The following PPT2 variants were observed in gnomAD, a reference collection of about 807,000 sequenced individuals.
PPT2 encodes palmitoyl-protein thioesterase 2, also known as lysosomal thioesterase PPT2.
Under a neutral mutation model 37.3 loss-of-function variants are expected in PPT2, and 20 were observed. The ratio of observed to expected loss-of-function variants is 0.54; its 90% CI spans 0.38 to 0.78. The LOEUF (loss-of-function observed/expected upper bound fraction) is 0.78, where lower values mean the gene tolerates loss of function less well. PPT2 is among the 30% of genes least tolerant of loss of function. The pLI is 0.00. For missense variants in PPT2, 270 were observed against 389.8 expected (o/e 0.69, Z 2.59); for synonymous variants, 135 against 159.1 (o/e 0.85, Z 1.14).
chr6:32,160,227 A>AGTATTTCTG (rs1554128607), intron 7 of PPT2, among the ~76,000 whole-genome samples: 8 of 123,078 alleles, frequency 6.5e-5, no homozygotes, highest in East Asian at 5.2e-4. Flanking sequence ...TTGTATTTTT[A>AGTATTTCTG]GTAGAGACGG....
At position 32,155,637 on chromosome 6, in the gene PPT2, G is replaced by T; in HGVS notation, c.338-51G>T. The T allele has an allele frequency of 1.4e-6, 2 of 1,396,314 alleles. No homozygotes were observed. The highest frequency in any genetic ancestry group is 1.2e-5 in the South Asian group (1 of 86,576). The allele number at this position is 1,396,314 out of a possible 1,614,324, so 86.5% of individuals were successfully genotyped here. ...GTGTGTGGTGGGGGTGGGGGGTGCT[G>T]CTGGCTTTGCTGTCCTTAAGTGCCT... On this transcript the variant is annotated intron_variant, in intron 3 of 8. Transcript: ENST00000324816. The surrounding 1 kb of genome is among the most constrained non-coding windows in gnomAD (Gnocchi z 4.3).
chr6:32,158,230 C>G (rs915024595), intron 7 of PPT2: 5 of 323,158 alleles, frequency 1.5e-5, no homozygotes, highest in Non-Finnish European at 2.3e-5. Flanking sequence ...ATAGCAAGGC[C>G]CTTCACCCAG....
Position 32,154,855 on chromosome 6 carries a change from C to A in PPT2, c.183+78C>A. 6.5e-7 allele frequency: 1 copy of A among 1,544,246 alleles called. No homozygotes were observed. ...GGGAGGGAGAGCGGGGAACTGAAAG[C>A]CACCCCTCTGGGCCTGCCCAGTTCC... On this transcript the variant is annotated intron_variant, in intron 2 of 8. Transcript: ENST00000324816. This position sits in a 1 kb window ranked among gnomAD's most constrained non-coding sequence, Gnocchi z 7.3.
chr6:32,154,482 G>A lies in PPT2; in HGVS notation c.-9+78G>A, dbSNP rs1218080917. On this transcript the variant is annotated intron_variant, in intron 1 of 8. Transcript: ENST00000324816. The surrounding 1 kb of genome is among the most constrained non-coding windows in gnomAD (Gnocchi z 7.3). ...TAAAAGTAGGCTATTTTGTGACACG[G>A]ACCTGGTGTGGGAGCGAGAGGAGGT... 6.6e-7 allele frequency: 1 copy of A among 1,514,056 alleles called. No homozygotes were observed. Among genetic ancestry groups the A allele is most frequent in the Non-Finnish European group, 8.8e-7 (1 of 1,132,500 alleles). 93.8% of individuals were successfully genotyped at this position (1,514,056 alleles called of 1,614,324 possible).
Position 32,154,819 on chromosome 6 carries a change from T to G in PPT2, c.183+42T>G. 6.3e-7 allele frequency: 1 copy of G among 1,588,746 alleles called. No individual in the cohort carries two copies. The highest frequency in any genetic ancestry group is 8.6e-7 in the Non-Finnish European group (1 of 1,163,112). ...CTGGGTGCAGGGCGTTAGAGGCGTC[T>G]ACTGTGGCAGGGGAGGGAGAGCGGG... On this transcript the variant is annotated intron_variant, in intron 2 of 8. Coordinates refer to ENST00000324816, the MANE Select transcript of PPT2 (RefSeq NM_005155.7). The surrounding 1 kb of genome is among the most constrained non-coding windows in gnomAD (Gnocchi z 7.3).
At position 32,162,936 on chromosome 6, in the gene PPT2, C is replaced by G; in HGVS notation, c.895C>G (p.Pro299Ala). 6.2e-7 allele frequency: 1 copy of G among 1,613,448 alleles called. No homozygotes were observed. Among genetic ancestry groups the G allele is most frequent in the Non-Finnish European group, 8.5e-7 (1 of 1,179,746 alleles). ...TACCCTTTATGAGACCTGCATTGAA[C>G]CTTGGCTCTCCTGAGGATATATTCA... ...NRTLYETCIE[P>A]WLS is the part of the protein sequence containing the mutation. The change falls in exon 9 of 9, where the codon CCT (proline) becomes GCT (alanine). Residue 299 changes from proline to alanine, a missense_variant. Pro to Ala is a conservative substitution (Grantham distance 27). Coordinates refer to ENST00000324816, the MANE Select transcript of PPT2 (RefSeq NM_005155.7). The surrounding 1 kb of genome is among the most constrained non-coding windows in gnomAD (Gnocchi z 5.5).
rs780977621 is a variant in PPT2 at position 32,157,691 on chromosome 6, A to G, written c.596A>G (p.Asn199Ser). 2.5e-6 allele frequency: 4 copies of G among 1,603,102 alleles called. No homozygotes were observed. The highest frequency in any genetic ancestry group is 3.4e-6 in the Non-Finnish European group (4 of 1,170,762). The change falls in exon 6 of 9, where the codon AAT (asparagine) becomes AGT (serine). Residue 199 changes from asparagine to serine, a missense_variant. Asn to Ser is a conservative substitution (Grantham distance 46). Coordinates refer to ENST00000324816, the MANE Select transcript of PPT2 (RefSeq NM_005155.7). ...GCCAGCAGCTTCCTGGCCCTGATCA[A>G]TGGGGAAAGAGACCATCCCAATGCC... is the stretch of plus-strand genomic sequence containing the variant. ...LNASSFLALI[N>S]GERDHPNATV...
chr6:32,155,585 TG>T lies in PPT2; in HGVS notation c.338-102del. 6.4e-6 allele frequency: 1 copy of T among 155,130 alleles called. No individual in the cohort carries two copies. Among genetic ancestry groups the T allele is most frequent in the Admixed American group, 1.3e-4 (1 of 7,662 alleles). The allele number at this position is 155,130 out of a possible 1,614,324, so 9.6% of individuals were successfully genotyped here. On this transcript the variant is annotated intron_variant, in intron 3 of 8. Transcript: ENST00000324816. This position sits in a 1 kb window ranked among gnomAD's most constrained non-coding sequence, Gnocchi z 4.3. The stretch of plus-strand genomic sequence containing the variant: ...TACAGTGTGTGTCTGTGTGTGTCTC[TG>T]TGTGTGTGTGTGTGTGTGTGTGTGT...
In PPT2 at chr6:32,162,505, C is replaced by T; in HGVS notation, c.711-63C>T. ...AAAGTGCTGCAATTACAGGCGTGTG[C>T]CACTGCGCCCGGCCAGATTTTCTCC... is the stretch of plus-strand genomic sequence containing the variant. On this transcript the variant is annotated intron_variant, in intron 7 of 8. Transcript: ENST00000324816. This position sits in a 1 kb window ranked among gnomAD's most constrained non-coding sequence, Gnocchi z 5.5. 6.7e-7 allele frequency: 1 copy of T among 1,494,114 alleles called. No homozygotes were observed. The highest frequency in any genetic ancestry group is 1.1e-5 in the South Asian group (1 of 88,448). 92.6% of individuals were successfully genotyped at this position (1,494,114 alleles called of 1,614,324 possible).
At chr6:32,160,634 C>T (rs1212173035) in intron 7 of PPT2, among the ~76,000 whole-genome samples, 5 of 151,516 alleles carry the variant, frequency 3.3e-5, no homozygotes, top group Non-Finnish European at 7.4e-5. Flanking sequence ...CCACTGCACT[C>T]CAGCCTGGGT....
Position 32,162,281 on chromosome 6 carries a change from G to A in PPT2, c.711-287G>A, listed in dbSNP as rs1784210817. On this transcript the variant is annotated intron_variant, in intron 7 of 8. Coordinates refer to ENST00000324816, the MANE Select transcript of PPT2 (RefSeq NM_005155.7). The surrounding 1 kb of genome is among the most constrained non-coding windows in gnomAD (Gnocchi z 5.5). Reference sequence around the variant, plus strand: ...GTCACCCAGGCTGAAGTGCAGTGGTGCGATCTCGACTCAATGCAACCTCCA... The same window carrying A: ...GTCACCCAGGCTGAAGTGCAGTGGTACGATCTCGACTCAATGCAACCTCCA... 6.6e-6 allele frequency among the ~76,000 whole-genome samples: 1 copy of A among 152,088 alleles called. No homozygotes were observed. Among genetic ancestry groups the A allele is most frequent in the African/African-American group, 2.4e-5 (1 of 41,386 alleles).
Position 32,161,547 on chromosome 6 carries a change from C to G in PPT2, c.711-1021C>G, listed in dbSNP as rs184520709. ...CAGGTGATCCACCCTCCTTGGTCTC[C>G]CAAAGTGCTGGGATTACAGGCATGA... On this transcript the variant is annotated intron_variant, in intron 7 of 8. Coordinates refer to ENST00000324816, the MANE Select transcript of PPT2 (RefSeq NM_005155.7). 9.9e-4 allele frequency among the ~76,000 whole-genome samples: 149 copies of G among 149,938 alleles called. No homozygotes were observed. The Middle Eastern group carries it at 0.014, about 14-fold the overall frequency.
Position 32,156,076 on chromosome 6 carries a change from A to C in PPT2, c.541+98A>C. 2 of 975,216 alleles carry C rather than the reference A, an allele frequency of 2.1e-6. No homozygotes were observed. Among genetic ancestry groups the C allele is most frequent in the Non-Finnish European group, 3.2e-6 (2 of 626,948 alleles). The allele number at this position is 975,216 out of a possible 1,614,324, so 60.4% of individuals were successfully genotyped here. ...AGTGATGACAATAAAGATAACTTAC[A>C]TTTATTGAGTTATTTGAACAGGCTC... On this transcript the variant is annotated intron_variant, in intron 5 of 8. Transcript: ENST00000324816. The surrounding 1 kb of genome is among the most constrained non-coding windows in gnomAD (Gnocchi z 4.9).
rs1444345942 is a variant in PPT2 at position 32,154,801 on chromosome 6, C to T, written c.183+24C>T. ...AGGTCTGGCAGGGGACACCTGGGTG[C>T]AGGGCGTTAGAGGCGTCTACTGTGG... On this transcript the variant is annotated intron_variant, in intron 2 of 8. Transcript: ENST00000324816. The surrounding 1 kb of genome is among the most constrained non-coding windows in gnomAD (Gnocchi z 7.3). 1.9e-6 allele frequency: 3 copies of T among 1,605,206 alleles called. No individual in the cohort carries two copies. Among genetic ancestry groups the T allele is most frequent in the Non-Finnish European group, 2.6e-6 (3 of 1,174,100 alleles).
In PPT2 at chr6:32,162,195, T is replaced by C. The variant is rs1295496481; in HGVS notation, c.711-373T>C. On this transcript the variant is annotated intron_variant, in intron 7 of 8. Coordinates refer to ENST00000324816, the MANE Select transcript of PPT2 (RefSeq NM_005155.7). This position sits in a 1 kb window ranked among gnomAD's most constrained non-coding sequence, Gnocchi z 5.5. Reference sequence around the variant, plus strand: ...CCACCTTGATTTCTTCCTTTCTTTTTTCCTTTTCTTTTTTCTTTCCTTTTT... The same window carrying C: ...CCACCTTGATTTCTTCCTTTCTTTTCTCCTTTTCTTTTTTCTTTCCTTTTT... 1.3e-5 allele frequency among the ~76,000 whole-genome samples: 2 copies of C among 152,140 alleles called. No individual in the cohort carries two copies. Among genetic ancestry groups the C allele is most frequent in the Admixed American group, 6.5e-5 (1 of 15,270 alleles).
Position 32,162,585 on chromosome 6 carries a change from A to G in PPT2, c.728A>G (p.Asp243Gly). The G allele has an allele frequency of 6.2e-7, 1 of 1,611,344 alleles. No individual in the cohort carries two copies. The highest frequency in any genetic ancestry group is 8.5e-7 in the Non-Finnish European group (1 of 1,177,470). Residue 243 changes from aspartate to glycine, a missense_variant, in exon 8 of 9, where the codon GAT (aspartate) becomes GGT (glycine). By Grantham distance (94) the Asp-to-Gly change is moderately conservative (BLOSUM62 -1). Transcript: ENST00000324816. The surrounding 1 kb of genome is among the most constrained non-coding windows in gnomAD (Gnocchi z 5.5). ...CTTTGTAGCTTCTTTGGTTTCTATG[A>G]TGCAAATGAGACCGTCCTGGAGATG... ...PWQSSFFGFYDANETVLEMEE... is the reference protein window; with the variant it reads ...PWQSSFFGFYGANETVLEMEE...
At chr6:32,158,519 A>G (rs953720025) in intron 7 of PPT2, among the ~76,000 whole-genome samples, 1 of 152,158 alleles carries the variant, frequency 6.6e-6, no homozygotes, top group African/African-American at 2.4e-5. Flanking sequence ...CTCAACAAAT[A>G]TTTATTCAAC....
rs568817947 is a variant in PPT2 at position 32,156,110 on chromosome 6, A to AT, written c.541+146dup. 0.047 allele frequency: 28,901 copies of AT among 609,404 alleles called. No individual in the cohort carries two copies. The highest frequency in any genetic ancestry group is 0.06 in the East Asian group (1,836 of 30,600). 37.7% of individuals were successfully genotyped at this position (609,404 alleles called of 1,614,324 possible). On this transcript the variant is annotated intron_variant, in intron 5 of 8. Coordinates refer to ENST00000324816, the MANE Select transcript of PPT2 (RefSeq NM_005155.7). This position sits in a 1 kb window ranked among gnomAD's most constrained non-coding sequence, Gnocchi z 4.9. ...GTTATTTGAACAGGCTCTGTTCAGA[A>AT]TTTTTTTTTTTTTTGAGACGGAGTC...
upstream of PPT2, chr6:32,153,788 C>A: frequency 8.9e-7 from 1 of 1,123,426 alleles, no homozygotes; most frequent in Non-Finnish European, 1.2e-6. The surrounding 1 kb of genome is among the most constrained non-coding windows in gnomAD (Gnocchi z 4.4). Context: ...CGCCCCCTGG[C>A]CGCCCCTTGG....
Sources: gnomAD v4.1 joint callset for allele counts (sites outside exome capture counted in the v4.1 genomes callset) on GRCh38, gnomAD v4.1.1 for gene constraint, Gnocchi (gnomAD v3.1) non-coding constraint, MANE v1.5 for transcripts, NCBI Gene and HGNC (gene_info 2026-07-23, HGNC 2026-07-21) for gene names.